The following TSKS variants were observed in gnomAD, a reference collection of about 807,000 sequenced individuals.
TSKS encodes testis specific serine kinase substrate.
Under a neutral mutation model 68.0 loss-of-function variants are expected in TSKS, and 27 were observed. The ratio of observed to expected loss-of-function variants is 0.40; its 90% CI spans 0.29 to 0.55. The LOEUF (loss-of-function observed/expected upper bound fraction) is 0.55. Among genes scored for constraint, TSKS ranks in the 20% least tolerant of loss-of-function variants. TSKS has a pLI of 0.53. For synonymous variants in TSKS, 331 were observed against 340.4 expected (o/e 0.97, Z 0.30); for missense variants, 806 against 776.0 (o/e 1.04, Z -0.46).
chr19:49,755,242 G>A (rs1296853353), intron 2 of TSKS, among the ~76,000 whole-genome samples: 7 of 152,164 alleles, frequency 4.6e-5, no homozygotes, highest in African/African-American at 1.7e-4. Context: ...CAAAAAGAAT[G>A]AAGAAGAATG....
At chr19:49,747,048 G>C (rs574993079) in intron 5 of TSKS, 149 of 1,331,718 alleles carry the variant, frequency 1.1e-4, no homozygotes, top group Admixed American at 1.1e-3. Context: ...CCCTCCAGGC[G>C]TCAAATACCA....
In TSKS at chr19:49,744,279, G is replaced by T. The variant is rs372744804; in HGVS notation, c.1313C>A (p.Ser438Tyr). ...TTGGTGGGACCGATCCAGGTTCATGGAGAGGTCAGGCCCTCTTCGAGAGTT... is the reference window on the plus strand; with the variant it reads ...TTGGTGGGACCGATCCAGGTTCATGTAGAGGTCAGGCCCTCTTCGAGAGTT... ...FQNSRRGPDL[S>Y]MNLDRSHQGN... The change falls in exon 8 of 11, where the codon TCC (serine) becomes TAC (tyrosine). Residue 438 changes from serine (S) to tyrosine (Y), a missense_variant. Physicochemically the swap from Ser to Tyr is moderately radical, Grantham distance 144. Coordinates refer to ENST00000246801, the MANE Select transcript of TSKS (RefSeq NM_021733.2). The T allele has an allele frequency of 4.3e-6, 7 of 1,614,024 alleles. No individual in the cohort carries two copies. The highest frequency in any genetic ancestry group is 5.1e-6 in the Non-Finnish European group (6 of 1,180,030).
intron 4 of TSKS, 97 bp from the exon 5 acceptor site, chr19:49,747,569 A>G: frequency 8.2e-7 from 1 of 1,221,616 alleles, no homozygotes; most frequent in South Asian, 1.2e-5. Flanking sequence ...CAGGCCTCCT[A>G]GCCCCCCAGT....
chr19:49,759,684 G>A (rs2084424406), intron 2 of TSKS, among the ~76,000 whole-genome samples: 1 of 148,654 alleles, frequency 6.7e-6, no homozygotes, highest in Admixed American at 6.7e-5. Flanking sequence ...AAAAAAATTT[G>A]TTTAGCTGGG....
At chr19:49,746,377 C>G in intron 6 of TSKS, 93 bp downstream of exon 6, 1 of 1,466,300 alleles carries the variant, frequency 6.8e-7, no homozygotes, top group South Asian at 1.3e-5. Flanking sequence ...GAACCCCCGT[C>G]CCTTGGGTCC....
Position 49,739,822 on chromosome 19 carries a change from C to T in TSKS, c.1733G>A (p.Ser578Asn), listed in dbSNP as rs1243899630. The T allele has an allele frequency of 1.2e-6, 2 of 1,608,072 alleles. No individual in the cohort carries two copies. Among genetic ancestry groups the T allele is most frequent in the East Asian group, 4.5e-5 (2 of 44,846 alleles). Residue 578 changes from serine to asparagine, a missense_variant, in exon 11 of 11, where the codon AGT (serine) becomes AAT (asparagine). Coordinates refer to ENST00000246801, the MANE Select transcript of TSKS (RefSeq NM_021733.2). ...GSTGTMGGGS[S>N]AGTPPKQGGS... ...CCCCTGTTTTGGGGGGGTTCCTGCA[C>T]TGCTGCCTCCCCCCATTGTTCCCGT...
chr19:49,758,408 C>T (rs528992352), intron 2 of TSKS, among the ~76,000 whole-genome samples: 11 of 152,328 alleles, frequency 7.2e-5, no homozygotes, highest in South Asian at 2.1e-4. Flanking sequence ...AGCCCCACAG[C>T]GAGCTGGCAG....
rs1264970005 is a variant in TSKS at position 49,745,404 on chromosome 19, G to A, written c.993-8C>T. 9.8e-6 allele frequency: 15 copies of A among 1,531,612 alleles called. No individual in the cohort carries two copies. Among genetic ancestry groups the A allele is most frequent in the African/African-American group, 1.4e-5 (1 of 73,272 alleles). 94.9% of individuals were successfully genotyped at this position (1,531,612 alleles called of 1,614,324 possible). Reference sequence around the variant, plus strand: ...AGTGAGGACACCTCTCTCCTGGAGGGGCAGAGGAGGGGAATGGGTAGGGGC... The same window carrying A: ...AGTGAGGACACCTCTCTCCTGGAGGAGCAGAGGAGGGGAATGGGTAGGGGC... On this transcript the variant is annotated splice_region_variant and splice_polypyrimidine_tract_variant and intron_variant, in intron 6 of 10. Transcript: ENST00000246801.
At chr19:49,758,590 T>C (rs2084412812) in intron 2 of TSKS, among the ~76,000 whole-genome samples, 1 of 152,116 alleles carries the variant, frequency 6.6e-6, no homozygotes, top group African/African-American at 2.4e-5. Flanking sequence ...AGGAGATGTC[T>C]CCCAGACATC....
Position 49,747,537 on chromosome 19 carries a change from C to T in TSKS, c.580-65G>A, listed in dbSNP as rs2084313321. On this transcript the variant is annotated intron_variant, in intron 4 of 10. Coordinates refer to ENST00000246801, the MANE Select transcript of TSKS (RefSeq NM_021733.2). ...CCAGTTCTGCCTCCCAACCCTTAGC[C>T]TGTCTGTTTCCATCCAGGCTCCAGG... is the stretch of plus-strand genomic sequence containing the variant. 2.6e-6 allele frequency: 4 copies of T among 1,547,912 alleles called. No homozygotes were observed. In the Admixed American group the frequency reaches 6.7e-5, roughly 26 times the overall value.
intron 2 of TSKS, among the ~76,000 whole-genome samples, chr19:49,759,323 G>T (rs2084420149): frequency 6.6e-6 from 1 of 151,742 alleles, no homozygotes; most frequent in Non-Finnish European, 1.5e-5. Context: ...ACAAAAATTA[G>T]CCGGGCGTGG....
intron 2 of TSKS, among the ~76,000 whole-genome samples, chr19:49,756,014 AGAAAG>A (rs915488917): frequency 3.3e-5 from 5 of 152,172 alleles, no homozygotes; most frequent in African/African-American, 1.2e-4. Context: ...AAAAAAGAAA[AGAAAG>A]AAAGAAAACC....
At chr19:49,749,605 G>A (rs2084332127) in intron 2 of TSKS, among the ~76,000 whole-genome samples, 1 of 151,792 alleles carries the variant, frequency 6.6e-6, no homozygotes, top group South Asian at 2.1e-4. Flanking sequence ...TGGAAATAAT[G>A]TAGTCAATTT....
rs768882802 is a variant in TSKS at position 49,744,311 on chromosome 19, T to C, written c.1281A>G (p.Gln427=). 9 of 1,614,000 alleles carry C rather than the reference T, an allele frequency of 5.6e-6. No individual in the cohort carries two copies. Among genetic ancestry groups the C allele is most frequent in the Non-Finnish European group, 5.9e-6 (7 of 1,180,000 alleles). The change falls in exon 8 of 11, where the codon CAA becomes CAG. Residue 427 remains glutamine (Q), a synonymous_variant. Transcript: ENST00000246801. ...CAGGCCCTCTTCGAGAGTTCTGAAA[T>C]TGCCGCCCGAACTCCTCCAGAATGG... ...LKPILEEFGR[Q]FQNSRRGPDL...
At chr19:49,742,878 T>C (rs2084263667) in intron 8 of TSKS, among the ~76,000 whole-genome samples, 1 of 152,054 alleles carries the variant, frequency 6.6e-6, no homozygotes, top group Non-Finnish European at 1.5e-5. Flanking sequence ...AATACACTAG[T>C]GAAACTCGAT....
chr19:49,746,702 C>A lies in TSKS; in HGVS notation c.760G>T (p.Glu254Ter). The A allele has an allele frequency of 1.2e-6, 2 of 1,601,632 alleles. No individual in the cohort carries two copies. Among genetic ancestry groups the A allele is most frequent in the Non-Finnish European group, 1.7e-6 (2 of 1,178,032 alleles). Reference sequence around the variant, plus strand: ...TGCTTCTCCTCCGGCTCCTGCTTCTCCTCCGGCTCCTGCTTCTCCTCCGGC... The same window carrying A: ...TGCTTCTCCTCCGGCTCCTGCTTCTACTCCGGCTCCTGCTTCTCCTCCGGC... ...QEPEEKQEPE[E>*]KQEPEEKQKP... Residue 254 changes from glutamate (E) to a stop codon, truncating the protein, a stop_gained, in exon 6 of 11, where the codon GAG becomes TAG. Transcript: ENST00000246801. LOFTEE classifies it high-confidence loss of function.
rs761657800 is a variant in TSKS at position 49,743,493 on chromosome 19, CTTTTTTTTT to C, written c.1361+729_1361+737del. Among the ~76,000 whole-genome samples, 44 of 103,894 alleles carry C rather than the reference CTTTTTTTTT, an allele frequency of 4.2e-4. 2 individuals are homozygous for C. The East Asian group carries it at 0.01, about 24-fold the overall frequency. 68.2% of individuals were successfully genotyped at this position (103,894 alleles called of 152,430 possible). ...CCGCCTCCCGGGTCCAAGTGAATTT[CTTTTTTTTT>C]TTTTTTTTTTTTTGAGATGGAGTCT... On this transcript the variant is annotated intron_variant, in intron 8 of 10. Transcript: ENST00000246801.
intron 8 of TSKS, among the ~76,000 whole-genome samples, chr19:49,742,686 T>C (rs1422615245): frequency 6.7e-6 from 1 of 149,376 alleles, no homozygotes; most frequent in Non-Finnish European, 1.5e-5. Flanking sequence ...TTAGTAGATA[T>C]GGGGTTTCAC....
intron 9 of TSKS, among the ~76,000 whole-genome samples, chr19:49,740,559 A>G (rs1321626034): frequency 6.6e-6 from 1 of 152,150 alleles, no homozygotes; most frequent in African/African-American, 2.4e-5. Context: ...AAGACCCCAC[A>G]TCTCCTTATC....
Sources: allele counts gnomAD v4.1 joint callset (sites outside exome capture counted in the v4.1 genomes callset), GRCh38; gene constraint gnomAD v4.1.1; transcripts MANE v1.5; gene names NCBI Gene and HGNC (gene_info 2026-07-23, HGNC 2026-07-21).